Variants in ASL observed in about 807,000 individuals in gnomAD.
ASL encodes argininosuccinate lyase.
In ASL, 51 loss-of-function variants were observed where a neutral mutation model predicts 69.1. That is an observed-to-expected ratio of 0.74 (90% confidence interval 0.59 to 0.93). ASL has a LOEUF of 0.93. ASL is among the 40% of genes least tolerant of loss of function. The pLI is 0.00. For missense variants in ASL, 540 were observed against 623.9 expected (o/e 0.87, Z 1.43); for synonymous variants, 241 against 247.6 (o/e 0.97, Z 0.25).
At chr7:66,085,337 G>A (rs986867327) in intron 6 of ASL, among the ~76,000 whole-genome samples, 1 of 152,218 alleles carries the variant, frequency 6.6e-6, no homozygotes, top group African/African-American at 2.4e-5. Flanking sequence ...AATTAGCTGG[G>A]TGTGATGGTG....
chr7:66,081,057 G>A (rs1335991555), intron 2 of ASL, among the ~76,000 whole-genome samples: 1 of 152,202 alleles, frequency 6.6e-6, no homozygotes, highest in African/African-American at 2.4e-5. Flanking sequence ...CTGGGCCGCA[G>A]CCCTGGCTAT....
intron 2 of ASL, among the ~76,000 whole-genome samples, chr7:66,080,624 G>A (rs1242573749): frequency 6.6e-6 from 1 of 151,874 alleles, no homozygotes; most frequent in Non-Finnish European, 1.5e-5. Flanking sequence ...TCGGGAGGCT[G>A]AGGCAGGAAA....
At chr7:66,091,941 C>T (rs1466905965) in intron 14 of ASL, 65 bp from the exon 15 acceptor site, 3 of 1,570,228 alleles carry the variant, frequency 1.9e-6, no homozygotes, top group Non-Finnish European at 1.7e-6. Flanking sequence ...GGGGCAGGTC[C>T]TGGGCCTGGC....
Position 66,086,646 on chromosome 7 carries a change from A to G in ASL, c.508A>G (p.Ser170Gly), listed in dbSNP as rs767862685. Residue 170 changes from serine (S) to glycine (G), a missense_variant, in exon 7 of 17, where the codon AGC becomes GGC. Physicochemically the swap from Ser to Gly is moderately conservative, Grantham distance 56. Transcript: ENST00000304874. ...HLQRAQPIRW[S>G]HWILSHAVAL... The stretch of plus-strand genomic sequence containing the variant: ...GCAGAGGGCCCAGCCCATCCGCTGG[A>G]GCCACTGGATTCTGAGGTGAGCCAG... 6.2e-7 allele frequency: 1 copy of G among 1,613,858 alleles called. No homozygotes were observed. The highest frequency in any genetic ancestry group is 2.2e-5 in the East Asian group (1 of 44,858).
At chr7:66,088,998 C>G in intron 11 of ASL, 77 bp downstream of exon 11, 1 of 1,607,358 alleles carries the variant, frequency 6.2e-7, no homozygotes, top group East Asian at 2.2e-5. Flanking sequence ...TGGCTGCCTT[C>G]CTCCCCGTCC....
chr7:66,086,834 C>T lies in ASL; in HGVS notation c.602+13C>T, dbSNP rs12536292. ...TGCCCCTGGGGAGGTGGGTGAGGCT[C>T]CAGTGCCCCGAGGGCCTGGTGGGGG... On this transcript the variant is annotated intron_variant, in intron 8 of 16. Transcript: ENST00000304874. The T allele has an allele frequency of 0.047, 73,912 of 1,563,968 alleles. 2,068 individuals are homozygous for T. Among genetic ancestry groups the T allele is most frequent in the East Asian group, 0.11 (4,534 of 42,222 alleles).
At position 66,083,160 on chromosome 7, in the gene ASL, G is replaced by A; in HGVS notation, c.432G>A (p.Val144=). 1 of 1,613,024 alleles carries A rather than the reference G, an allele frequency of 6.2e-7. No homozygotes were observed. The highest frequency in any genetic ancestry group is 1.3e-5 in the African/African-American group (1 of 74,980). ...TCTGGGAGCTCATTAGGACCATGGT[G>A]GATCGGGCAGAGGCGTGAGTCCTAC... ...GLLWELIRTM[V]DRAEAERDVL... is the part of the protein sequence containing the mutation. The change falls in exon 6 of 17, where the codon GTG becomes GTA. Residue 144 remains valine (V), a synonymous_variant. Coordinates refer to ENST00000304874, the MANE Select transcript of ASL (RefSeq NM_000048.4).
At chr7:66,088,724 C>T (rs1786742775) in intron 10 of ASL, 83 bp from the exon 11 acceptor site, 1 of 1,214,722 alleles carries the variant, frequency 8.2e-7, no homozygotes, top group Non-Finnish European at 1.2e-6. Flanking sequence ...GGTCCCCCCA[C>T]CGCCTAACCT....
chr7:66,076,024 G>A lies in ASL; in HGVS notation c.-43-15G>A. 6.4e-7 allele frequency: 1 copy of A among 1,571,018 alleles called. No individual in the cohort carries two copies. The highest frequency in any genetic ancestry group is 1.8e-5 in the Admixed American group (1 of 54,158). ...TGCTGGCCAAGGAGGTCGTCAGTCC[G>A]GTCTTGTCTTCCAGACCCGGAGGAC... is the stretch of plus-strand genomic sequence containing the variant. On this transcript the variant is annotated splice_polypyrimidine_tract_variant and intron_variant, in intron 1 of 16. Coordinates refer to ENST00000304874, the MANE Select transcript of ASL (RefSeq NM_000048.4).
chr7:66,082,281 C>T, intron 3 of ASL, 87 bp from the exon 4 acceptor site: 1 of 1,381,392 alleles, frequency 7.2e-7, no homozygotes, highest in South Asian at 1.2e-5. Context: ...CAGTCAGTCA[C>T]CAGGGATAGG....
At chr7:66,087,055 GC>G in intron 8 of ASL, 2 of 649,726 alleles carry the variant, frequency 3.1e-6, no homozygotes, top group Non-Finnish European at 5.3e-6. Context: ...GCTGCCCTCA[GC>G]CTGACATGTG....
chr7:66,092,182 T>C, intron 15 of ASL, 96 bp downstream of exon 15: 1 of 1,437,852 alleles, frequency 7.0e-7, no homozygotes. Context: ...CCCAGCCTGG[T>C]GGCTCACCCC....
At chr7:66,082,529 A>G (rs1562737789) in intron 4 of ASL, 78 bp downstream of exon 4, 11 of 1,481,206 alleles carry the variant, frequency 7.4e-6, no homozygotes, top group Non-Finnish European at 1.0e-5. Flanking sequence ...CATTAGCACC[A>G]TTCTGTTTAC....
rs548397162 is a variant in ASL at position 66,091,998 on chromosome 7, G to A, written c.1063-8G>A. On this transcript the variant is annotated splice_polypyrimidine_tract_variant and splice_region_variant and intron_variant, in intron 14 of 16. Transcript: ENST00000304874. ...CAGGGCTCACCACTCGCCCACCTGT[G>A]CCCCCAGATTCACCAAGAGAACATG... is the stretch of plus-strand genomic sequence containing the variant. The A allele has an allele frequency of 2.8e-5, 45 of 1,613,324 alleles. No individual in the cohort carries two copies. The East Asian group carries it at 8.9e-4, about 32-fold the overall frequency.
intron 9 of ASL, 42 bp from the exon 10 acceptor site, chr7:66,087,687 C>A: frequency 6.2e-7 from 1 of 1,613,242 alleles, no homozygotes. Flanking sequence ...GGGGGCCACT[C>A]CCTGTCCTCC....
At chr7:66,082,319 C>A in intron 3 of ASL, 49 bp from the exon 4 acceptor site, 1 of 1,550,810 alleles carries the variant, frequency 6.4e-7, no homozygotes, top group Non-Finnish European at 8.8e-7. Context: ...GCTCTCTTGG[C>A]TGCTGATGCC....
chr7:66,082,230 C>A, intron 3 of ASL, 138 bp from the exon 4 acceptor site: 1 of 1,088,704 alleles, frequency 9.2e-7, no homozygotes, highest in Non-Finnish European at 1.4e-6. Flanking sequence ...GAGATGCCCC[C>A]TCCCAGGGTG....
At chr7:66,088,678 A>G (rs1786740876) in intron 10 of ASL, 129 bp from the exon 11 acceptor site, 3 of 778,782 alleles carry the variant, frequency 3.9e-6, no homozygotes, top group Admixed American at 2.0e-5. Flanking sequence ...GCGACATAGC[A>G]CGACCCCATC....
intron 13 of ASL, 136 bp from the exon 14 acceptor site, chr7:66,089,476 T>A (rs1236184361): frequency 7.2e-7 from 1 of 1,392,148 alleles, no homozygotes; most frequent in East Asian, 2.7e-5. Context: ...TTGAACTCTC[T>A]GCCCTTCCTT....
Sources: gnomAD v4.1 joint callset for allele counts (sites outside exome capture counted in the v4.1 genomes callset) on GRCh38, gnomAD v4.1.1 for gene constraint, MANE v1.5 for transcripts, NCBI Gene and HGNC (gene_info 2026-07-23, HGNC 2026-07-21) for gene names.